The following TRAPPC2L variants were observed in gnomAD, a reference collection of about 807,000 sequenced individuals.
The protein encoded by TRAPPC2L is trafficking protein particle complex subunit 2-like protein.
In TRAPPC2L, 17 loss-of-function variants were observed where a neutral mutation model predicts 13.2. The ratio of observed to expected loss-of-function variants is 1.29; its 90% CI spans 0.88 to 1.93. TRAPPC2L has a LOEUF of 1.93. Ranked by LOEUF, TRAPPC2L falls within the 30% of genes most tolerant of loss-of-function variation. TRAPPC2L has a pLI of 0.00. For missense variants in TRAPPC2L, 359 were observed against 252.1 expected, an observed-to-expected ratio of 1.42 and a Z score of -2.87; for synonymous variants, 150 against 98.1, an observed-to-expected ratio of 1.53 and a Z score of -3.12.
exon 2 of TRAPPC2L, chr16:88,858,731 C>A: frequency 6.2e-7 from 1 of 1,613,530 alleles, no homozygotes; most frequent in Non-Finnish European, 8.5e-7. Flanking sequence ...ATGGGGAAGG[C>A]CCTGGTCGAC....
exon 4 of TRAPPC2L, chr16:88,861,185 G>C (rs951440014): frequency 1.8e-6 from 1 of 566,786 alleles, no homozygotes; most frequent in African/African-American, 1.9e-5. Flanking sequence ...TTTCTGGGGT[G>C]TGGGCAGAGG....
upstream of TRAPPC2L, chr16:88,856,565 C>A (rs1374095310): frequency 6.1e-5 from 39 of 639,882 alleles, no homozygotes; most frequent in South Asian, 3.2e-4. Flanking sequence ...GGGCCTCCCC[C>A]TCCCCGCACG....
intron 2 of TRAPPC2L, chr16:88,859,389 T>C: frequency 1.4e-6 from 1 of 697,148 alleles, no homozygotes; most frequent in South Asian, 1.5e-5. Flanking sequence ...GGGTGAGGTG[T>C]TCCAGACAGA....
chr16:88,857,071 TG>T, upstream of TRAPPC2L: 1 of 1,502,864 alleles, frequency 6.7e-7, no homozygotes, highest in Non-Finnish European at 8.8e-7. Flanking sequence ...GCCAGCTGTG[TG>T]CGGATGGGGC....
In TRAPPC2L at chr16:88,860,865, G is replaced by C. The variant is rs545067628; in HGVS notation, c.*541G>C. ...GCTGCCCGGCCCGTCTCTGAGCAGA[G>C]GGGTGGAGGGCCTGGCTCTCCTCTG... is the stretch of plus-strand genomic sequence containing the variant. On this transcript the variant is annotated 3_prime_UTR_variant, in exon 4 of 4. Transcript: ENST00000565504. The C allele has an allele frequency of 1.5e-3, 2,348 of 1,559,312 alleles. 42 individuals carry two copies. In the South Asian group the frequency reaches 0.024, roughly 16 times the overall value.
At chr16:88,860,027 A>G (rs1387186298) in exon 4 of TRAPPC2L, 1 of 1,455,764 alleles carries the variant, frequency 6.9e-7, no homozygotes, top group African/African-American at 2.7e-5. Context: ...ATGCCTTGCC[A>G]TTTTGGTTGC....
exon 4 of TRAPPC2L, chr16:88,861,679 GCGTCAGTGC>G: frequency 2.0e-6 from 1 of 488,736 alleles, no homozygotes; most frequent in Non-Finnish European, 4.2e-6. Flanking sequence ...GCCCATAGTG[GCGTCAGTGC>G]CGCCGGCGTC....
exon 4 of TRAPPC2L, chr16:88,861,445 C>T (rs1157517105): frequency 2.9e-6 from 1 of 347,200 alleles, no homozygotes; most frequent in Admixed American, 3.9e-5. Flanking sequence ...ACTTGGCCTC[C>T]ATTCTTTGCA....
exon 2 of TRAPPC2L, chr16:88,858,651 G>C: frequency 6.2e-7 from 1 of 1,613,334 alleles, no homozygotes; most frequent in Non-Finnish European, 8.5e-7. Flanking sequence ...GCACCCCTAC[G>C]GAGAACGAGC....
At chr16:88,856,430 G>A (rs568965125), upstream of TRAPPC2L, 146 of 700,892 alleles carry the variant, frequency 2.1e-4, 1 homozygote, top group African/African-American at 2.3e-3. Context: ...GGCAGGGCCC[G>A]GTAGCACGCC....
exon 2 of TRAPPC2L, chr16:88,858,628 C>T: frequency 6.2e-7 from 1 of 1,612,936 alleles, no homozygotes; most frequent in Non-Finnish European, 8.5e-7. Context: ...GAATTACCCC[C>T]TCTACATTCG....
At chr16:88,860,872 AG>A in exon 4 of TRAPPC2L, 1 of 1,568,376 alleles carries the variant, frequency 6.4e-7, no homozygotes. Flanking sequence ...AGAGGGGTGG[AG>A]GGCCTGGCTC....
chr16:88,861,740 C>T, exon 4 of TRAPPC2L: 1 of 456,500 alleles, frequency 2.2e-6, no homozygotes, highest in Non-Finnish European at 4.4e-6. Flanking sequence ...TGAGGGGACC[C>T]CCCCGGAGTT....
chr16:88,859,835 AAATCT>A (rs1451176217), intron 3 of TRAPPC2L, 53 bp from the exon 4 acceptor site: 15 of 1,583,920 alleles, frequency 9.5e-6, no homozygotes, highest in Non-Finnish European at 1.2e-5. Flanking sequence ...GAGAAACTAA[AAATCT>A]GGCAGTGGCT....
chr16:88,857,557 TC>T, intron 1 of TRAPPC2L: 1 of 278,514 alleles, frequency 3.6e-6, no homozygotes, highest in Non-Finnish European at 6.8e-6. Flanking sequence ...CCTGCCAGTC[TC>T]CCCGGAGCCG....
upstream of TRAPPC2L, chr16:88,856,598 C>G (rs1387552038): frequency 1.6e-5 from 9 of 569,494 alleles, 1 homozygote; most frequent in Middle Eastern, 1.9e-3. Context: ...GTCCCCTCCC[C>G]CTCCTCCTCC....
intron 2 of TRAPPC2L, 102 bp downstream of exon 2, chr16:88,858,893 G>C (rs1374750957): frequency 7.6e-7 from 1 of 1,314,958 alleles, no homozygotes; most frequent in Non-Finnish European, 1.0e-6. Context: ...AGAGGTGAGA[G>C]TTTTTAGCCA....
At chr16:88,860,744 G>T (rs1217258401) in exon 4 of TRAPPC2L, 19 of 711,460 alleles carry the variant, frequency 2.7e-5, no homozygotes, top group Non-Finnish European at 1.4e-5. Flanking sequence ...TGGGTTCTCA[G>T]TGCCCGGTGG....
exon 4 of TRAPPC2L, chr16:88,861,562 C>T: frequency 2.2e-6 from 1 of 464,498 alleles, no homozygotes; most frequent in South Asian, 1.6e-5. Flanking sequence ...TGGTCCTAAA[C>T]CTTGGAGCGC....
Sources: allele counts gnomAD v4.1 joint callset, GRCh38; gene constraint gnomAD v4.1.1; transcripts MANE v1.5; gene names NCBI Gene and HGNC (gene_info 2026-07-23, HGNC 2026-07-21).